Variants in GREM2 observed in about 807,000 individuals in gnomAD.
GREM2 encodes gremlin 2, DAN family BMP antagonist.
GREM2 carries 11 observed loss-of-function variants against 14.2 expected under a neutral mutation model. The observed-to-expected ratio is 0.78, with a 90% CI of 0.49 to 1.28. GREM2 has a LOEUF of 1.28. Among genes scored for constraint, GREM2 ranks in the 50% most tolerant of loss-of-function variants. The pLI, the probability that GREM2 is intolerant of heterozygous loss-of-function variation, is 0.00. For missense variants in GREM2, 210 were observed against 218.5 expected (o/e 0.96, Z 0.24); for synonymous variants, 98 against 97.6 (o/e 1.00, Z -0.02).
chr1:240,571,752 G>C (rs749623671), intron 1 of GREM2, among the ~76,000 whole-genome samples: 8 of 152,152 alleles, frequency 5.3e-5, no homozygotes, highest in Non-Finnish European at 1.2e-4. Flanking sequence ...TTCTTATCTG[G>C]CATGTATGGT....
intron 1 of GREM2, among the ~76,000 whole-genome samples, chr1:240,554,153 G>A (rs1305361555): frequency 3.3e-5 from 5 of 152,152 alleles, no homozygotes; most frequent in African/African-American, 1.2e-4. Context: ...GCTCACACCT[G>A]TAATCCCAGC....
intron 1 of GREM2, among the ~76,000 whole-genome samples, chr1:240,595,650 C>G (rs978466772): frequency 2.6e-5 from 4 of 152,122 alleles, no homozygotes; most frequent in Non-Finnish European, 5.9e-5. Context: ...CTGGAGGCGG[C>G]ATATTGAGTG....
intron 1 of GREM2, among the ~76,000 whole-genome samples, chr1:240,554,122 G>T: frequency 6.6e-6 from 1 of 151,934 alleles, no homozygotes; most frequent in Non-Finnish European, 1.5e-5. Flanking sequence ...TAAAGACGAG[G>T]TCTCTAGGCC....
chr1:240,560,310 C>T (rs1394427344), intron 1 of GREM2, among the ~76,000 whole-genome samples: 1 of 152,140 alleles, frequency 6.6e-6, no homozygotes, highest in Non-Finnish European at 1.5e-5. Flanking sequence ...CAGGTGCCAG[C>T]AGTTGTACCC....
chr1:240,605,840 T>A (rs1680014608), intron 1 of GREM2, among the ~76,000 whole-genome samples: 1 of 152,054 alleles, frequency 6.6e-6, no homozygotes, highest in South Asian at 2.1e-4. Context: ...TAAATTTTCT[T>A]CTACTTGGAA....
At chr1:240,499,751 C>T (rs1038421754) in intron 1 of GREM2, among the ~76,000 whole-genome samples, 3 of 152,220 alleles carry the variant, frequency 2.0e-5, no homozygotes, top group Admixed American at 1.3e-4. Flanking sequence ...CTATGGCCCA[C>T]AGGCCAAACC....
rs772208717 is a variant in GREM2, at chr1:240,489,720, G to A, written c.*3249C>T. 9.9e-5 allele frequency: 15 copies of A among 152,164 alleles called. No individual in the cohort carries two copies. Among genetic ancestry groups the A allele is most frequent in the Admixed American group, 3.9e-4 (6 of 15,268 alleles). 9.4% of individuals were successfully genotyped at this position (152,164 alleles called of 1,614,324 possible). ...AGACATTAATAATCAGTGGTGATAGGTCAATCATTAAATAAGCCTTCTGGG... is the reference window on the plus strand; with the variant it reads ...AGACATTAATAATCAGTGGTGATAGATCAATCATTAAATAAGCCTTCTGGG... On this transcript the variant is annotated 3_prime_UTR_variant, in exon 2 of 2. Transcript: ENST00000318160.
At chr1:240,501,674 G>T (rs966982919) in intron 1 of GREM2, among the ~76,000 whole-genome samples, 1 of 149,610 alleles carries the variant, frequency 6.7e-6, no homozygotes, top group East Asian at 1.9e-4. Context: ...GTACATCCAT[G>T]TGCGGATGGG....
chr1:240,590,963 G>C (rs753879397), intron 1 of GREM2, among the ~76,000 whole-genome samples: 1 of 151,530 alleles, frequency 6.6e-6, no homozygotes, highest in Non-Finnish European at 1.5e-5. Flanking sequence ...TGTATTTTTA[G>C]TAGAGAAGGG....
intron 1 of GREM2, among the ~76,000 whole-genome samples, chr1:240,571,452 G>A (rs886347729): frequency 6.6e-6 from 1 of 152,160 alleles, no homozygotes; most frequent in African/African-American, 2.4e-5. Context: ...CCAGCACTTT[G>A]GGAGGCCGAG....
Position 240,608,375 on chromosome 1 carries a change from T to C in GREM2, c.-2+3509A>G, listed in dbSNP as rs181523827. ...AGAGCTGCTGGATTTTTATTAACTCTAAGTACAATGTCACACATCCATCAA... is the reference window on the plus strand; with the variant it reads ...AGAGCTGCTGGATTTTTATTAACTCCAAGTACAATGTCACACATCCATCAA... On this transcript the variant is annotated intron_variant, in intron 1 of 1. Coordinates refer to ENST00000318160, the MANE Select transcript of GREM2 (RefSeq NM_022469.4). Among the ~76,000 whole-genome samples the C allele has an allele frequency of 7.2e-5, 11 of 152,336 alleles. No homozygotes were observed. In the East Asian group the frequency reaches 2.1e-3, roughly 29 times the overall value.
chr1:240,550,618 A>G lies in GREM2; in HGVS notation c.-1-57142T>C, dbSNP rs115852724. ...CATCAGTTGTTTTGCATTAAAAATG[A>G]CAGGTGGAAATAGAACTCTACTAAG... On this transcript the variant is annotated intron_variant, in intron 1 of 1. Transcript: ENST00000318160. 1.8e-3 allele frequency among the ~76,000 whole-genome samples: 270 copies of G among 152,288 alleles called. 1 individual carries two copies. The highest frequency in any genetic ancestry group is 6.2e-3 in the African/African-American group (258 of 41,566).
At chr1:240,603,567 C>A (rs1666481276) in intron 1 of GREM2, among the ~76,000 whole-genome samples, 1 of 152,046 alleles carries the variant, frequency 6.6e-6, no homozygotes, top group South Asian at 2.1e-4. Flanking sequence ...GCTACCCATC[C>A]CATTTAAGAC....
intron 1 of GREM2, among the ~76,000 whole-genome samples, chr1:240,501,482 C>T (rs1677567950): frequency 6.6e-6 from 1 of 152,190 alleles, no homozygotes; most frequent in African/African-American, 2.4e-5. Flanking sequence ...ACAGCAAATG[C>T]ATCATTAGGG....
At chr1:240,609,966 G>T (rs929049442) in intron 1 of GREM2, among the ~76,000 whole-genome samples, 1 of 151,952 alleles carries the variant, frequency 6.6e-6, no homozygotes, top group South Asian at 2.1e-4. Flanking sequence ...TACCTCTCTC[G>T]GTGAAGAATG....
At chr1:240,563,521 A>G (rs546267466) in intron 1 of GREM2, among the ~76,000 whole-genome samples, 1 of 152,342 alleles carries the variant, frequency 6.6e-6, no homozygotes, top group Non-Finnish European at 1.5e-5. Flanking sequence ...GTGCCCAGCT[A>G]TTAATCCAGG....
intron 1 of GREM2, among the ~76,000 whole-genome samples, chr1:240,578,418 G>A (rs979620924): frequency 2.0e-5 from 3 of 151,962 alleles, no homozygotes; most frequent in South Asian, 2.1e-4. Context: ...GAGCCACTGC[G>A]CCAAGCCACA....
At chr1:240,522,268 C>T (rs902940653) in intron 1 of GREM2, among the ~76,000 whole-genome samples, 30 of 151,944 alleles carry the variant, frequency 2.0e-4, no homozygotes, top group African/African-American at 6.0e-4. Context: ...ACTTTTGAAA[C>T]GTGAATGCCA....
At chr1:240,567,912 C>T (rs1454876245) in intron 1 of GREM2, among the ~76,000 whole-genome samples, 5 of 152,056 alleles carry the variant, frequency 3.3e-5, no homozygotes, top group Middle Eastern at 3.2e-3. Context: ...AGTTTGAGAC[C>T]AGCCTGGCCA....
Sources: gnomAD v4.1 joint callset for allele counts (sites outside exome capture counted in the v4.1 genomes callset) on GRCh38, gnomAD v4.1.1 for gene constraint, MANE v1.5 for transcripts, NCBI Gene and HGNC (gene_info 2026-07-23, HGNC 2026-07-21) for gene names.